The following SLC39A9 variants were observed in gnomAD, a reference collection of about 807,000 sequenced individuals.
SLC39A9 encodes zinc transporter ZIP9.
In SLC39A9, 14 loss-of-function variants were observed where a neutral mutation model predicts 28.4. That is an observed-to-expected ratio of 0.49 (90% CI 0.33 to 0.77). SLC39A9 has a LOEUF of 0.77. Ranked by LOEUF, SLC39A9 falls within the 30% of genes least tolerant of loss-of-function variation. SLC39A9 has a pLI of 0.02. For missense variants in SLC39A9, 283 were observed against 381.1 expected (o/e 0.74, Z 2.14); for synonymous variants, 119 against 149.6 (o/e 0.80, Z 1.49).
Position 69,458,709 on chromosome 14 carries a change from T to G in SLC39A9, c.*116T>G. 2.8e-6 allele frequency: 4 copies of G among 1,431,594 alleles called. No individual in the cohort carries two copies. The highest frequency in any genetic ancestry group is 1.8e-6 in the Non-Finnish European group (2 of 1,093,656). The allele number at this position is 1,431,594 out of a possible 1,614,324, so 88.7% of individuals were successfully genotyped here. ...CTCACCTTGCGCATCTCTACATGTATTCCTAGAGTCCAGAGGGGAGGTGAG... is the reference window on the plus strand; with the variant it reads ...CTCACCTTGCGCATCTCTACATGTAGTCCTAGAGTCCAGAGGGGAGGTGAG... On this transcript the variant is annotated 3_prime_UTR_variant, in exon 7 of 7. Coordinates refer to ENST00000336643, the MANE Select transcript of SLC39A9 (RefSeq NM_018375.5).
chr14:69,430,804 A>T (rs573209754), intron 2 of SLC39A9, among the ~76,000 whole-genome samples: 2 of 151,662 alleles, frequency 1.3e-5, no homozygotes, highest in South Asian at 4.2e-4. Flanking sequence ...CTAATTATTT[A>T]AACTGTTTAT....
intron 2 of SLC39A9, among the ~76,000 whole-genome samples, chr14:69,433,176 G>A (rs925917696): frequency 1.3e-5 from 2 of 152,134 alleles, no homozygotes; most frequent in Admixed American, 1.3e-4. Context: ...TGTGCTGAGA[G>A]TGTTTATCTT....
intron 1 of SLC39A9, among the ~76,000 whole-genome samples, chr14:69,403,030 C>T (rs1882721887): frequency 6.6e-6 from 1 of 151,812 alleles, no homozygotes; most frequent in East Asian, 1.9e-4. Flanking sequence ...TGCAGTGAGC[C>T]GAGTCCCACC....
chr14:69,446,075 GA>G (rs1885285727), intron 3 of SLC39A9, among the ~76,000 whole-genome samples: 1 of 151,950 alleles, frequency 6.6e-6, no homozygotes, highest in Non-Finnish European at 1.5e-5. Context: ...AAACAGTTCT[GA>G]AGCTGCTTTA....
At chr14:69,425,012 T>G (rs1884111066) in intron 2 of SLC39A9, among the ~76,000 whole-genome samples, 1 of 152,208 alleles carries the variant, frequency 6.6e-6, no homozygotes, top group South Asian at 2.1e-4. Flanking sequence ...AGAATGGTGA[T>G]GCTCTTAGGC....
intron 2 of SLC39A9, among the ~76,000 whole-genome samples, chr14:69,427,152 G>A (rs1884242972): frequency 6.6e-6 from 1 of 151,662 alleles, no homozygotes; most frequent in Non-Finnish European, 1.5e-5. Context: ...ACAGGCTCAT[G>A]ACACCACACC....
Position 69,461,049 on chromosome 14 carries a change from A to G in SLC39A9, c.*2456A>G. 1.0e-6 allele frequency: 1 copy of G among 985,598 alleles called. No homozygotes were observed. The highest frequency in any genetic ancestry group is 1.7e-5 in the African/African-American group (1 of 57,326). The allele number at this position is 985,598 out of a possible 1,614,324, so 61.1% of individuals were successfully genotyped here. ...TTCAGTTCCGTTTTCCTCTTGTTTA[A>G]AACTGCCTCTTTAGATGTGGATGCC... On this transcript the variant is annotated 3_prime_UTR_variant, in exon 7 of 7. Transcript: ENST00000336643.
Position 69,453,721 on chromosome 14 carries a change from G to C in SLC39A9, c.472+412G>C, listed in dbSNP as rs189941114. On this transcript the variant is annotated intron_variant, in intron 4 of 6. Transcript: ENST00000336643. ...GAGTGATGAAAATTTAGGTTAGGGTGATGGCAATAAAAAATGGAGAAAGGC... is the reference window on the plus strand; with the variant it reads ...GAGTGATGAAAATTTAGGTTAGGGTCATGGCAATAAAAAATGGAGAAAGGC... 1.1e-3 allele frequency among the ~76,000 whole-genome samples: 172 copies of C among 152,260 alleles called. 1 individual carries two copies. The highest frequency in any genetic ancestry group is 3.5e-3 in the South Asian group (17 of 4,820).
intron 1 of SLC39A9, among the ~76,000 whole-genome samples, chr14:69,401,502 TAAGC>T (rs1882633959): frequency 6.6e-6 from 1 of 152,222 alleles, no homozygotes; most frequent in Non-Finnish European, 1.5e-5. Flanking sequence ...TTAATTCTGA[TAAGC>T]AACCAGTAAA....
chr14:69,450,300 C>T (rs913869371), intron 3 of SLC39A9, among the ~76,000 whole-genome samples: 4 of 152,168 alleles, frequency 2.6e-5, no homozygotes, highest in Non-Finnish European at 4.4e-5. Flanking sequence ...AATCCTTGAT[C>T]TGCCAAAGAG....
intron 1 of SLC39A9, among the ~76,000 whole-genome samples, chr14:69,411,679 G>A (rs1883272334): frequency 6.6e-6 from 1 of 151,956 alleles, no homozygotes; most frequent in Non-Finnish European, 1.5e-5. Flanking sequence ...ACTTGAGATT[G>A]AATCCCAAGT....
chr14:69,399,520 T>C, intron 1 of SLC39A9, 55 bp downstream of exon 1: 1 of 1,448,312 alleles, frequency 6.9e-7, no homozygotes. Flanking sequence ...GATAGTAGTT[T>C]TAGTTGCAAA....
intron 1 of SLC39A9, among the ~76,000 whole-genome samples, chr14:69,412,118 A>G (rs1883301577): frequency 6.6e-6 from 1 of 151,142 alleles, no homozygotes; most frequent in Non-Finnish European, 1.5e-5. Flanking sequence ...GGCTGGGCAC[A>G]GTGACTCACG....
intron 2 of SLC39A9, among the ~76,000 whole-genome samples, chr14:69,440,458 C>T (rs752397730): frequency 2.0e-5 from 3 of 152,074 alleles, no homozygotes; most frequent in Non-Finnish European, 2.9e-5. Context: ...TGGTAGCTCA[C>T]ATCTGTAGTC....
At position 69,460,930 on chromosome 14, in the gene SLC39A9, C is replaced by T. The variant is rs541952827; in HGVS notation, c.*2337C>T. 2 of 985,644 alleles carry T rather than the reference C, an allele frequency of 2.0e-6. No individual in the cohort carries two copies. Among genetic ancestry groups the T allele is most frequent in the South Asian group, 4.7e-5 (1 of 21,292 alleles). The allele number at this position is 985,644 out of a possible 1,614,324, so 61.1% of individuals were successfully genotyped here. ...CTTCAGGCAGCAGGGAACCAAGCAG[C>T]GTGGCACAGGCCTTCTTGACTGGAG... On this transcript the variant is annotated 3_prime_UTR_variant, in exon 7 of 7. Coordinates refer to ENST00000336643, the MANE Select transcript of SLC39A9 (RefSeq NM_018375.5).
intron 2 of SLC39A9, among the ~76,000 whole-genome samples, chr14:69,438,025 T>C (rs78854920): frequency 0.18 from 18,328 of 99,786 alleles, 1,328 homozygotes; most frequent in Middle Eastern, 0.36. Context: ...TCCCTTACCC[T>C]TTTTTTTTTT....
At chr14:69,427,726 G>C (rs1884272812) in intron 2 of SLC39A9, among the ~76,000 whole-genome samples, 1 of 152,178 alleles carries the variant, frequency 6.6e-6, no homozygotes, top group Admixed American at 6.5e-5. Flanking sequence ...TTGAGGGTCA[G>C]TATATGAAGG....
chr14:69,420,451 T>C (rs1883820384), intron 1 of SLC39A9, among the ~76,000 whole-genome samples: 1 of 152,210 alleles, frequency 6.6e-6, no homozygotes, highest in Admixed American at 6.5e-5. Context: ...CATTTCAACC[T>C]TGGTGAATCT....
intron 2 of SLC39A9, among the ~76,000 whole-genome samples, chr14:69,425,196 G>A (rs1460736494): frequency 6.6e-6 from 1 of 152,170 alleles, no homozygotes; most frequent in African/African-American, 2.4e-5. Flanking sequence ...CAGAGGGAGG[G>A]AGGAATGATT....
Sources: gnomAD v4.1 joint callset for allele counts (sites outside exome capture counted in the v4.1 genomes callset) on GRCh38, gnomAD v4.1.1 for gene constraint, MANE v1.5 for transcripts, NCBI Gene and HGNC (gene_info 2026-07-23, HGNC 2026-07-21) for gene names.